The following SVIL variants were observed in gnomAD, a reference collection of about 807,000 sequenced individuals.
The protein encoded by SVIL is archvillin.
Under a neutral mutation model 240.4 loss-of-function variants are expected in SVIL, and 101 were observed. The observed-to-expected ratio is 0.42, with a 90% CI of 0.36 to 0.50. The LOEUF (loss-of-function observed/expected upper bound fraction) is 0.50, where lower values mean the gene tolerates loss of function less well. Among genes scored for constraint, SVIL ranks in the 20% least tolerant of loss-of-function variants. The pLI is 0.01. For synonymous variants in SVIL, 999 were observed against 1,100.0 expected (o/e 0.91, Z 1.82); for missense variants, 2,512 against 2,818.7 (o/e 0.89, Z 2.46).
At chr10:29,606,205 G>A (rs1385853069) in intron 1 of SVIL, among the ~76,000 whole-genome samples, 2 of 151,608 alleles carry the variant, frequency 1.3e-5, no homozygotes, top group Non-Finnish European at 2.9e-5. Context: ...CACAGCTCCC[G>A]GCCTATTTTT....
intron 1 of SVIL, among the ~76,000 whole-genome samples, chr10:29,700,744 A>G (rs1232034291): frequency 6.6e-6 from 1 of 152,112 alleles, no homozygotes; most frequent in Non-Finnish European, 1.5e-5. Context: ...AAGTGCTGGG[A>G]TTACAGGCGT....
At chr10:29,620,945 A>T (rs1957611442) in intron 1 of SVIL, among the ~76,000 whole-genome samples, 1 of 151,690 alleles carries the variant, frequency 6.6e-6, no homozygotes, top group African/African-American at 2.4e-5. Flanking sequence ...TAAACTTTTT[A>T]AATTTGATTT....
Position 29,486,071 on chromosome 10 carries a change from C to A in SVIL, c.4779+14G>T, listed in dbSNP as rs368500738. The A allele has an allele frequency of 3.7e-6, 6 of 1,614,020 alleles. No homozygotes were observed. The African/African-American group carries it at 8.0e-5, about 22-fold the overall frequency. ...TGTGGTTTCTCACTGAAGGGCAGAGCCCACGGACTGTACCTCTTTGGGTTG... is the reference window on the plus strand; with the variant it reads ...TGTGGTTTCTCACTGAAGGGCAGAGACCACGGACTGTACCTCTTTGGGTTG... On this transcript the variant is annotated intron_variant, in intron 26 of 37. Transcript: ENST00000355867.
chr10:29,526,534 AC>A (rs1770541784), intron 13 of SVIL, among the ~76,000 whole-genome samples: 1 of 151,992 alleles, frequency 6.6e-6, no homozygotes, highest in African/African-American at 2.4e-5. Flanking sequence ...CAATCTCCTG[AC>A]CTCGTGATCC....
In SVIL at chr10:29,532,881, C is replaced by G. The variant is rs761079560; in HGVS notation, c.1486G>C (p.Val496Leu). The change falls in exon 8 of 38, where the codon GTG becomes CTG. Residue 496 changes from valine to leucine, a missense_variant. Val to Leu is a conservative substitution (Grantham distance 32). Around this residue, in one of 3 missense-constraint regions of SVIL, gnomAD observed 1,443 missense variants for 1,486.6 expected, o/e 0.97. Transcript: ENST00000355867. ...TLEHQKELEN[V>L]AQPPQAPHQP... ...TGCGGAGCTTGAGGGGGTTGTGCCACGTTTTCCAGTTCCTTCTGATGCTCT... is the reference window on the plus strand; with the variant it reads ...TGCGGAGCTTGAGGGGGTTGTGCCAGGTTTTCCAGTTCCTTCTGATGCTCT... 6.2e-7 allele frequency: 1 copy of G among 1,614,090 alleles called. No homozygotes were observed. The highest frequency in any genetic ancestry group is 8.5e-7 in the Non-Finnish European group (1 of 1,180,028).
chr10:29,562,128 G>A (rs929332140), intron 3 of SVIL, among the ~76,000 whole-genome samples: 1 of 152,162 alleles, frequency 6.6e-6, no homozygotes, highest in African/African-American at 2.4e-5. Context: ...TTCTTTCAGA[G>A]TAGAAAAAAT....
At chr10:29,613,941 A>G (rs1957341957) in intron 1 of SVIL, among the ~76,000 whole-genome samples, 1 of 152,138 alleles carries the variant, frequency 6.6e-6, no homozygotes, top group Admixed American at 6.5e-5. Flanking sequence ...CTTTCCCCTT[A>G]TGGAATGTAT....
intron 2 of SVIL, among the ~76,000 whole-genome samples, chr10:29,670,647 G>T (rs1959693973): frequency 7.0e-6 from 1 of 141,884 alleles, no homozygotes; most frequent in South Asian, 2.2e-4. Context: ...AGATTTATAG[G>T]TTCAGGAAAC....
At chr10:29,618,926 C>T (rs757237787) in intron 1 of SVIL, among the ~76,000 whole-genome samples, 38 of 152,066 alleles carry the variant, frequency 2.5e-4, no homozygotes, top group Admixed American at 4.6e-4. Flanking sequence ...CCAGTGTGGC[C>T]ACCAAGTGCT....
At chr10:29,586,891 C>G (rs139594658) in intron 1 of SVIL, among the ~76,000 whole-genome samples, 54 of 152,144 alleles carry the variant, frequency 3.5e-4, no homozygotes, top group African/African-American at 1.1e-3. Flanking sequence ...GGGCCTTTCG[C>G]AGGGTGGAGG....
rs1475254824 is a variant in SVIL at position 29,598,103 on chromosome 10, C to T, written c.-200-28791G>A. Among the ~76,000 whole-genome samples, 11 of 152,062 alleles carry T rather than the reference C, an allele frequency of 7.2e-5. 1 individual carries two copies. The highest frequency in any genetic ancestry group is 3.9e-4 in the East Asian group (2 of 5,186). Reference sequence around the variant, plus strand: ...AAGGAAATTCTGACACCTGCTACAACGTAGATCATGCTAAGTATAATAAGC... The same window carrying T: ...AAGGAAATTCTGACACCTGCTACAATGTAGATCATGCTAAGTATAATAAGC... On this transcript the variant is annotated intron_variant, in intron 1 of 37. Transcript: ENST00000355867.
In SVIL at chr10:29,517,465, G is replaced by A. The variant is rs1950285697; in HGVS notation, c.3390-4604C>T. 2.6e-5 allele frequency among the ~76,000 whole-genome samples: 4 copies of A among 152,144 alleles called. No homozygotes were observed. In the South Asian group the frequency reaches 8.3e-4, roughly 32 times the overall value. On this transcript the variant is annotated intron_variant, in intron 16 of 37. Coordinates refer to ENST00000355867, the MANE Select transcript of SVIL (RefSeq NM_021738.3). ...AAAAAAAGAAAAAGAAAAAGAAAAG[G>A]AGGGAGTAAAGGGGAACTGCCGCTC...
intron 16 of SVIL, among the ~76,000 whole-genome samples, chr10:29,516,609 C>T (rs1011325156): frequency 2.4e-4 from 36 of 152,192 alleles, no homozygotes; most frequent in Admixed American, 1.8e-3. Context: ...CAACTGTCAG[C>T]GCTTCTAACA....
At chr10:29,650,840 A>G (rs570369087) in intron 3 of SVIL, among the ~76,000 whole-genome samples, 1 of 152,130 alleles carries the variant, frequency 6.6e-6, no homozygotes, top group Non-Finnish European at 1.5e-5. Context: ...TCCCAGCCAC[A>G]TGGGAGGCTG....
intron 1 of SVIL, among the ~76,000 whole-genome samples, chr10:29,688,401 GA>G (rs1961251431): frequency 6.6e-6 from 1 of 152,192 alleles, no homozygotes; most frequent in East Asian, 1.9e-4. Flanking sequence ...AGCATCTGAA[GA>G]TGCCGTTCAG....
chr10:29,618,042 T>G (rs1337518179), intron 1 of SVIL, among the ~76,000 whole-genome samples: 8 of 152,136 alleles, frequency 5.3e-5, no homozygotes, highest in African/African-American at 1.9e-4. Flanking sequence ...GCACAGAGAC[T>G]GTTGTAAGGA....
At chr10:29,507,602 C>CAA in intron 17 of SVIL, 1 of 197,296 alleles carries the variant, frequency 5.1e-6, no homozygotes, top group Non-Finnish European at 8.9e-6. Flanking sequence ...TACTGCCACA[C>CAA]ACACACACAC....
intron 9 of SVIL, 54 bp from the exon 10 acceptor site, chr10:29,531,342 A>G: frequency 6.6e-7 from 1 of 1,505,310 alleles, no homozygotes; most frequent in Non-Finnish European, 9.1e-7. Context: ...GGAGCAGAAG[A>G]TCGAAATAAA....
intron 6 of SVIL, among the ~76,000 whole-genome samples, chr10:29,539,498 G>A (rs763240075): frequency 6.6e-5 from 10 of 152,174 alleles, no homozygotes; most frequent in Non-Finnish European, 1.2e-4. Flanking sequence ...GCTATGACAT[G>A]TATTTGGGTG....
Sources: allele counts gnomAD v4.1 joint callset (sites outside exome capture counted in the v4.1 genomes callset), GRCh38; gene constraint gnomAD v4.1.1; regional missense constraint gnomAD v4.1.1; transcripts MANE v1.5; gene names NCBI Gene and HGNC (gene_info 2026-07-23, HGNC 2026-07-21).